Variants in GNG4 observed in about 807,000 individuals in gnomAD.
GNG4 encodes G protein subunit gamma 4.
Under a neutral mutation model 5.8 loss-of-function variants are expected in GNG4, and 4 were observed. The observed-to-expected ratio is 0.69, with a 90% CI of 0.34 to 1.57. GNG4 has a LOEUF of 1.57. GNG4 is among the 40% of genes most tolerant of loss of function. The probability of loss-of-function intolerance (pLI) is 0.06; values close to 1 mark genes in which losing one functional copy is unlikely to be tolerated. For synonymous variants in GNG4, 29 were observed against 32.9 expected, an observed-to-expected ratio of 0.88 and a Z score of 0.41; for missense variants, 96 against 95.1, an observed-to-expected ratio of 1.01 and a Z score of -0.04.
intron 2 of GNG4, 61 bp from the exon 3 acceptor site, chr1:235,583,909 A>C (rs1571894016): frequency 1.1e-6 from 1 of 916,078 alleles, no homozygotes; most frequent in Non-Finnish European, 1.8e-6. Context: ...GGGGAACCCC[A>C]CCTCCCACCA....
intron 3 of GNG4, among the ~76,000 whole-genome samples, chr1:235,582,470 C>T (rs1174676210): frequency 6.6e-6 from 1 of 152,220 alleles, no homozygotes; most frequent in African/African-American, 2.4e-5. Context: ...AGGAGACTGT[C>T]GCCTTCACAT....
chr1:235,630,581 C>G (rs188438400), intron 1 of GNG4, among the ~76,000 whole-genome samples: 4 of 152,312 alleles, frequency 2.6e-5, no homozygotes, highest in African/African-American at 9.6e-5. Context: ...GCCTCTGGAG[C>G]AGGGTCGCCT....
At chr1:235,573,515 C>A (rs1311849792) in intron 3 of GNG4, among the ~76,000 whole-genome samples, 2 of 151,912 alleles carry the variant, frequency 1.3e-5, no homozygotes, top group Non-Finnish European at 2.9e-5. Context: ...CGGTAGCTCA[C>A]ACCTGTAATC....
intron 1 of GNG4, among the ~76,000 whole-genome samples, chr1:235,605,846 A>C (rs981695973): frequency 6.6e-6 from 1 of 151,970 alleles, no homozygotes; most frequent in African/African-American, 2.4e-5. Context: ...TGAGTGCCAC[A>C]CTAAGAGTGT....
At chr1:235,584,379 A>G (rs1161974477) in intron 2 of GNG4, among the ~76,000 whole-genome samples, 2 of 152,234 alleles carry the variant, frequency 1.3e-5, no homozygotes, top group African/African-American at 2.4e-5. Flanking sequence ...AGCCTAGCCG[A>G]GTGTCTCAAA....
At chr1:235,594,354 G>A (rs1475567493) in intron 2 of GNG4, among the ~76,000 whole-genome samples, 1 of 152,188 alleles carries the variant, frequency 6.6e-6, no homozygotes, top group African/African-American at 2.4e-5. Flanking sequence ...CCAGACTCAG[G>A]AGCCCAGCTG....
chr1:235,589,982 G>A (rs951007816), intron 2 of GNG4, among the ~76,000 whole-genome samples: 8 of 152,070 alleles, frequency 5.3e-5, no homozygotes, highest in East Asian at 3.9e-4. Context: ...TCAGTAGACC[G>A]CTCCCCTCCC....
At chr1:235,606,823 C>T (rs996790550) in intron 1 of GNG4, among the ~76,000 whole-genome samples, 5 of 151,704 alleles carry the variant, frequency 3.3e-5, no homozygotes, top group Middle Eastern at 3.2e-3. Context: ...GGCTGGGCTG[C>T]GTGCAGAGCC....
intron 3 of GNG4, among the ~76,000 whole-genome samples, chr1:235,573,328 G>A (rs2988744): frequency 1.1e-4 from 14 of 124,060 alleles, no homozygotes; most frequent in Non-Finnish European, 2.2e-4. Flanking sequence ...CTGTCAAGGG[G>A]TGGGGGGAGG....
chr1:235,594,887 A>C (rs1365354502), intron 2 of GNG4, among the ~76,000 whole-genome samples: 1 of 152,224 alleles, frequency 6.6e-6, no homozygotes, highest in African/African-American at 2.4e-5. Context: ...GAGCCCAGGC[A>C]GAGGAGGCGC....
rs574366228 is a variant in GNG4 at position 235,552,601 on chromosome 1, C to A, written c.100-364G>T. On this transcript the variant is annotated intron_variant, in intron 3 of 3. Coordinates refer to ENST00000391854, the MANE Select transcript of GNG4 (RefSeq NM_001098722.2). Reference sequence around the variant, plus strand: ...GTTTCTGGAAGACTAAAGCAGAAGGCAGCCCCTGGCCAAGCCAGTGTGATC... The same window carrying A: ...GTTTCTGGAAGACTAAAGCAGAAGGAAGCCCCTGGCCAAGCCAGTGTGATC... Among the ~76,000 whole-genome samples, 11 of 152,308 alleles carry A rather than the reference C, an allele frequency of 7.2e-5. No homozygotes were observed. The South Asian group carries it at 2.1e-3, about 29-fold the overall frequency.
At chr1:235,601,697 G>A (rs920586594) in intron 1 of GNG4, among the ~76,000 whole-genome samples, 5 of 152,290 alleles carry the variant, frequency 3.3e-5, no homozygotes, top group Middle Eastern at 3.4e-3. Context: ...TTGCAGCTAC[G>A]TGTGGCTTTG....
Position 235,563,817 on chromosome 1 carries a change from C to T in GNG4, c.100-11580G>A, listed in dbSNP as rs540016909. On this transcript the variant is annotated intron_variant, in intron 3 of 3. Transcript: ENST00000391854. ...GTGGTCCTGACTAGAAGGTTGAGTTCCTGGCTCAGAGTGATAGTGGTATAA... is the reference window on the plus strand; with the variant it reads ...GTGGTCCTGACTAGAAGGTTGAGTTTCTGGCTCAGAGTGATAGTGGTATAA... Among the ~76,000 whole-genome samples the T allele has an allele frequency of 2.6e-5, 4 of 152,274 alleles. No homozygotes were observed. The South Asian group carries it at 8.3e-4, about 32-fold the overall frequency.
At chr1:235,578,189 C>G (rs1322548652) in intron 3 of GNG4, among the ~76,000 whole-genome samples, 1 of 152,010 alleles carries the variant, frequency 6.6e-6, no homozygotes, top group African/African-American at 2.4e-5. Flanking sequence ...ACAGACATCA[C>G]TAGATCATCA....
At chr1:235,556,556 CAAAAA>C (rs35257216) in intron 3 of GNG4, among the ~76,000 whole-genome samples, 16 of 87,408 alleles carry the variant, frequency 1.8e-4, no homozygotes, top group African/African-American at 2.6e-4. Flanking sequence ...GACTCTGTCT[CAAAAA>C]AAAAAAAAAA....
chr1:235,626,958 CAAAAAAAAAAAAAAA>C (rs776506587), intron 1 of GNG4, among the ~76,000 whole-genome samples: 109 of 77,370 alleles, frequency 1.4e-3, no homozygotes, highest in African/African-American at 3.5e-3. Flanking sequence ...GACTCTATCT[CAAAAAAAAAAAAAAA>C]AAAAAAAAAA....
At chr1:235,620,325 A>G (rs1284763391) in intron 1 of GNG4, among the ~76,000 whole-genome samples, 1 of 151,928 alleles carries the variant, frequency 6.6e-6, no homozygotes, top group African/African-American at 2.4e-5. Context: ...AGATCACACC[A>G]TTGCACTCCA....
In GNG4 at chr1:235,582,099, GGT is replaced by G. The variant is rs754271187; in HGVS notation, c.99+1639_99+1640del. On this transcript the variant is annotated intron_variant, in intron 3 of 3. Transcript: ENST00000391854. ...CTCTCCATGTTCTGTTGATTTTCTT[GGT>G]GTGTTTGCCTCCCCGATCGCATCTT... 5.7e-4 allele frequency among the ~76,000 whole-genome samples: 87 copies of G among 152,186 alleles called. 1 individual carries two copies. Among genetic ancestry groups the G allele is most frequent in the Non-Finnish European group, 9.3e-4 (63 of 67,998 alleles).
Position 235,583,859 on chromosome 1 carries a change from C to G in GNG4, c.-10-11G>C, listed in dbSNP as rs909583007. On this transcript the variant is annotated splice_polypyrimidine_tract_variant and intron_variant, in intron 2 of 3. Coordinates refer to ENST00000391854, the MANE Select transcript of GNG4 (RefSeq NM_001098722.2). ...TTCATTCTACTGCCCCTAGAAGTAACCAAAGTAAAAGGGTTAGAAGAGCTG... is the reference window on the plus strand; with the variant it reads ...TTCATTCTACTGCCCCTAGAAGTAAGCAAAGTAAAAGGGTTAGAAGAGCTG... The G allele has an allele frequency of 6.4e-7, 1 of 1,553,126 alleles. No homozygotes were observed. The highest frequency in any genetic ancestry group is 1.7e-5 in the Admixed American group (1 of 59,736).
Sources: gnomAD v4.1 joint callset for allele counts (sites outside exome capture counted in the v4.1 genomes callset) on GRCh38, gnomAD v4.1.1 for gene constraint, MANE v1.5 for transcripts, NCBI Gene and HGNC (gene_info 2026-07-23, HGNC 2026-07-21) for gene names.